TENM1: variants seen among roughly 807,000 people sequenced by gnomAD.
TENM1 encodes the protein teneurin-1.
Under a neutral mutation model 174.8 loss-of-function variants are expected in TENM1, and 35 were observed. The ratio of observed to expected loss-of-function variants is 0.20; its 90% confidence interval spans 0.15 to 0.27. The LOEUF (loss-of-function observed/expected upper bound fraction) is 0.27, where lower values mean the gene tolerates loss of function less well. TENM1 is among the 10% of genes least tolerant of loss of function. TENM1 has a pLI of 1.00. For missense variants in TENM1, 1,633 were observed against 2,130.1 expected, an observed-to-expected ratio of 0.77 and a Z score of 4.59; for synonymous variants, 781 against 798.7, an observed-to-expected ratio of 0.98 and a Z score of 0.37.
At chrX:124,468,906 C>T (rs779978093) in intron 22 of TENM1, among the ~76,000 whole-genome samples, 1 of 110,941 alleles carries the variant, frequency 9.0e-6, no homozygotes, top group Admixed American at 9.7e-5. Context: ...AGATCTAGCT[C>T]ATTCATTTTT....
Position 124,413,433 on chromosome X carries a change from GA to G in TENM1, c.4982+6877del, listed in dbSNP as rs747174490. On this transcript the variant is annotated intron_variant, in intron 25 of 31. Coordinates refer to ENST00000422452, the Ensembl canonical transcript of TENM1. The stretch of plus-strand genomic sequence containing the variant: ...TGAGTATAAATAGGATGCTGCCAGT[GA>G]AAAAAAGGATGGGGGTGGATATGAG... Among the ~76,000 whole-genome samples the G allele has an allele frequency of 1.7e-4, 19 of 111,128 alleles. No homozygotes were observed. The South Asian group carries it at 7.0e-3, about 41-fold the overall frequency.
chrX:124,876,913 G>A (rs777270039), intron 3 of TENM1, among the ~76,000 whole-genome samples: 3 of 111,544 alleles, frequency 2.7e-5, no homozygotes, highest in African/African-American at 3.2e-5. Context: ...ACATACTCAC[G>A]TCTTATTTTC....
chrX:124,450,308 C>T (rs1460573958), intron 23 of TENM1, among the ~76,000 whole-genome samples: 1 of 105,499 alleles, frequency 9.5e-6, no homozygotes, highest in East Asian at 3.1e-4. Context: ...TGCAGTGAGC[C>T]GAGATTGCGC....
chrX:125,202,064 T>G, the TENM1 span, among the ~76,000 whole-genome samples: 1 of 111,597 alleles, frequency 9.0e-6, no homozygotes, highest in Non-Finnish European at 1.9e-5. Context: ...TTTTTAAGCC[T>G]TTCCCTCTTA....
chrX:124,441,530 A>G (rs946893625), intron 23 of TENM1, among the ~76,000 whole-genome samples: 1 of 111,815 alleles, frequency 8.9e-6, no homozygotes, highest in African/African-American at 3.3e-5. Context: ...ACTAACAAGC[A>G]CTCCCATTTC....
chrX:124,772,885 A>C (rs1292834742), intron 3 of TENM1, among the ~76,000 whole-genome samples: 1 of 111,828 alleles, frequency 8.9e-6, no homozygotes, highest in African/African-American at 3.3e-5. Flanking sequence ...CTTTTCATCC[A>C]GTTTTTATAG....
chrX:125,033,692 T>C, the TENM1 span, among the ~76,000 whole-genome samples: 9 of 110,214 alleles, frequency 8.2e-5, no homozygotes, highest in Non-Finnish European at 1.5e-4. Flanking sequence ...CGTATACAGA[T>C]GGGAGCTGAA....
intron 3 of TENM1, among the ~76,000 whole-genome samples, chrX:124,830,974 G>A (rs1372861985): frequency 9.0e-6 from 1 of 111,545 alleles, no homozygotes; most frequent in Admixed American, 9.6e-5. Context: ...TTAGCTCCTG[G>A]GGGTAATGGG....
intron 20 of TENM1, among the ~76,000 whole-genome samples, chrX:124,492,665 T>C (rs2047096434): frequency 9.0e-6 from 1 of 110,909 alleles, no homozygotes; most frequent in African/African-American, 3.3e-5. Flanking sequence ...ATCATGTATA[T>C]TCCATTAGCT....
chrX:125,029,091 G>A, the TENM1 span, among the ~76,000 whole-genome samples: 2 of 111,629 alleles, frequency 1.8e-5, no homozygotes, highest in Non-Finnish European at 3.8e-5. Context: ...CATTAAAAAT[G>A]CACATTGAGT....
intron 29 of TENM1, among the ~76,000 whole-genome samples, chrX:124,385,464 G>A (rs1046771424): frequency 2.7e-5 from 3 of 112,359 alleles, no homozygotes; most frequent in Non-Finnish European, 5.6e-5. Context: ...CTTGAGAGCT[G>A]AAAGAAAGAA....
intron 15 of TENM1, among the ~76,000 whole-genome samples, chrX:124,544,755 C>T (rs920307540): frequency 1.1e-4 from 12 of 111,712 alleles, no homozygotes; most frequent in African/African-American, 3.9e-4. Flanking sequence ...GCAGCTGTGG[C>T]GTAATGGAAA....
chrX:125,014,865 T>A, the TENM1 span, among the ~76,000 whole-genome samples: 2 of 111,785 alleles, frequency 1.8e-5, no homozygotes, highest in Non-Finnish European at 3.8e-5. Context: ...AAAATAACAC[T>A]CTCAATGGAG....
chrX:125,121,505 C>A, the TENM1 span, among the ~76,000 whole-genome samples: 1 of 111,807 alleles, frequency 8.9e-6, no homozygotes, highest in African/African-American at 3.2e-5. Flanking sequence ...TCCCATTTTC[C>A]AGTAGAAAAT....
chrX:124,787,462 A>G (rs991923377), intron 3 of TENM1, among the ~76,000 whole-genome samples: 3 of 109,020 alleles, frequency 2.8e-5, no homozygotes, highest in African/African-American at 1.0e-4. Flanking sequence ...CTTTGATTTC[A>G]GGCCCTGCCT....
intron 3 of TENM1, among the ~76,000 whole-genome samples, chrX:124,816,815 CTT>C (rs1445209024): frequency 9.0e-6 from 1 of 110,600 alleles, no homozygotes; most frequent in East Asian, 2.8e-4. Flanking sequence ...CCATTTTCCT[CTT>C]TTTATTTTTA....
At chrX:124,593,822 G>A (rs1258743465) in intron 11 of TENM1, among the ~76,000 whole-genome samples, 2 of 111,894 alleles carry the variant, frequency 1.8e-5, no homozygotes, top group African/African-American at 6.5e-5. Flanking sequence ...CTACCAATCC[G>A]GGATTGCAGT....
At chrX:124,757,374 C>T (rs4278267) in intron 3 of TENM1, among the ~76,000 whole-genome samples, 14,303 of 111,798 alleles carry the variant, frequency 0.13, 1,059 homozygotes, top group African/African-American at 0.28. Flanking sequence ...GGAAGTGACC[C>T]GATTTTCCAG....
At chrX:124,482,112 T>C in intron 21 of TENM1, 148 bp from the exon 25 acceptor site, 3 of 407,903 alleles carry the variant, frequency 7.4e-6, no homozygotes, top group Non-Finnish European at 8.8e-6. Flanking sequence ...TGGATACTTC[T>C]CTGTTTTTCT....
Sources: allele counts gnomAD v4.1 joint callset (sites outside exome capture counted in the v4.1 genomes callset), GRCh38; gene constraint gnomAD v4.1.1; transcripts MANE v1.5; gene names NCBI Gene and HGNC (gene_info 2026-07-23, HGNC 2026-07-21).